The following DIAPH2 variants were observed in gnomAD, a reference collection of about 807,000 sequenced individuals.
DIAPH2 encodes protein diaphanous homolog 2.
A neutral mutation model predicts 92.7 loss-of-function variants in DIAPH2; 35 were observed. That is an observed-to-expected ratio of 0.38 (90% CI 0.29 to 0.50). The LOEUF is 0.50. Among genes scored for constraint, DIAPH2 ranks in the 20% least tolerant of loss-of-function variants. The pLI, the probability that DIAPH2 is intolerant of heterozygous loss-of-function variation, is 0.94. For missense variants in DIAPH2, 701 were observed against 819.5 expected (o/e 0.86, Z 1.77); for synonymous variants, 301 against 280.4 (o/e 1.07, Z -0.73).
chrX:97,366,651 A>G (rs2069384093), intron 24 of DIAPH2, among the ~76,000 whole-genome samples: 2 of 111,415 alleles, frequency 1.8e-5, no homozygotes, highest in South Asian at 7.6e-4. Context: ...TCTCTTTATG[A>G]TAAAAATCAT....
At chrX:97,405,859 C>G (rs1284617154) in intron 25 of DIAPH2, among the ~76,000 whole-genome samples, 1 of 111,398 alleles carries the variant, frequency 9.0e-6, no homozygotes, top group Non-Finnish European at 1.9e-5. Flanking sequence ...TACTTAATCA[C>G]TTTTTGTTGT....
chrX:96,864,601 G>A (rs2065093085), intron 4 of DIAPH2, among the ~76,000 whole-genome samples: 1 of 111,899 alleles, frequency 8.9e-6, no homozygotes, highest in Non-Finnish European at 1.9e-5. Flanking sequence ...TGTCTTGTGT[G>A]TGTGTGCTGG....
intron 26 of DIAPH2, among the ~76,000 whole-genome samples, chrX:97,460,855 C>T (rs2070452693): frequency 8.9e-6 from 1 of 111,828 alleles, no homozygotes; most frequent in Non-Finnish European, 1.9e-5. Flanking sequence ...AGTGAAGGAG[C>T]GTGGAACAAG....
chrX:97,468,074 T>C (rs1007602954), intron 26 of DIAPH2, among the ~76,000 whole-genome samples: 1 of 111,910 alleles, frequency 8.9e-6, no homozygotes, highest in African/African-American at 3.2e-5. Context: ...GTCAGGGGAA[T>C]ACTTTTTTAA....
intron 25 of DIAPH2, among the ~76,000 whole-genome samples, chrX:97,411,056 G>A (rs765441327): frequency 9.0e-5 from 10 of 110,919 alleles, no homozygotes; most frequent in African/African-American, 1.6e-4. Flanking sequence ...AACAGAGACC[G>A]CCACAAAGAT....
At chrX:97,510,603 G>A (rs1174984427) in intron 26 of DIAPH2, among the ~76,000 whole-genome samples, 10 of 102,942 alleles carry the variant, frequency 9.7e-5, no homozygotes, top group African/African-American at 3.5e-4. Flanking sequence ...GTCCTGAATG[G>A]TAATGCCTAG....
At chrX:97,176,979 C>T (rs1233512516) in intron 22 of DIAPH2, among the ~76,000 whole-genome samples, 2 of 111,741 alleles carry the variant, frequency 1.8e-5, no homozygotes, top group East Asian at 2.8e-4. Flanking sequence ...AATACAATGT[C>T]AATACTATGT....
chrX:97,247,051 G>C (rs1372185970), intron 22 of DIAPH2, among the ~76,000 whole-genome samples: 1 of 112,021 alleles, frequency 8.9e-6, no homozygotes, highest in African/African-American at 3.2e-5. Context: ...AAAATTATTA[G>C]TTGTCAATGA....
chrX:97,325,543 GTTATTTTATTTTATTTTATTTTATT>G (rs58975226), intron 23 of DIAPH2, among the ~76,000 whole-genome samples: 3 of 95,067 alleles, frequency 3.2e-5, no homozygotes, highest in East Asian at 3.5e-4. Context: ...TCATCTTAAT[GTTATTTTATTTTATTTTATTTTATT>G]TTATTTTATT....
Position 96,774,286 on chromosome X carries a change from A to G in DIAPH2, c.447+16028A>G, listed in dbSNP as rs763245883. Among the ~76,000 whole-genome samples the G allele has an allele frequency of 7.2e-5, 8 of 111,673 alleles. No individual in the cohort carries two copies. The South Asian group carries it at 3.0e-3, about 43-fold the overall frequency. On this transcript the variant is annotated intron_variant, in intron 4 of 26. Transcript: ENST00000324765. ...TTTGGTGGATTTCAGGCAGTTGTGG[A>G]TAATAATTGACACCACAGGTGTTCA...
intron 22 of DIAPH2, among the ~76,000 whole-genome samples, chrX:97,186,059 A>T (rs938935590): frequency 3.6e-5 from 4 of 110,792 alleles, no homozygotes; most frequent in African/African-American, 1.3e-4. Context: ...CAAATCCCGG[A>T]CCTATATAAA....
chrX:97,516,127 C>T (rs181235754), intron 26 of DIAPH2, among the ~76,000 whole-genome samples: 1 of 110,192 alleles, frequency 9.1e-6, no homozygotes, highest in Non-Finnish European at 1.9e-5. Flanking sequence ...TGGCACACGC[C>T]TACTGTAGTC....
chrX:96,692,199 A>C (rs754071462), intron 1 of DIAPH2, among the ~76,000 whole-genome samples: 85 of 112,126 alleles, frequency 7.6e-4, no homozygotes, highest in African/African-American at 2.6e-3. Flanking sequence ...CATTGCCCAG[A>C]TATAAGTTAT....
intron 24 of DIAPH2, among the ~76,000 whole-genome samples, chrX:97,370,801 A>G (rs868339077): frequency 8.9e-6 from 1 of 112,069 alleles, no homozygotes. Context: ...TATTGTGAAT[A>G]TAAAATAATG....
chrX:96,718,327 A>G lies in DIAPH2; in HGVS notation c.133-17431A>G, dbSNP rs1460675196. On this transcript the variant is annotated intron_variant, in intron 1 of 26. Transcript: ENST00000324765. The stretch of plus-strand genomic sequence containing the variant: ...GTACTCCATTGTATATATGTACCAC[A>G]TTTTCTTTGTTTTTTTTTTTTTTTT... 1.1e-4 allele frequency among the ~76,000 whole-genome samples: 4 copies of G among 35,128 alleles called. No homozygotes were observed. In the East Asian group the frequency reaches 3.2e-3, roughly 28 times the overall value. 30.5% of individuals were successfully genotyped at this position (35,128 alleles called of 115,157 possible).
At chrX:97,324,416 C>G (rs774064087) in intron 23 of DIAPH2, among the ~76,000 whole-genome samples, 1 of 112,335 alleles carries the variant, frequency 8.9e-6, no homozygotes, top group African/African-American at 3.2e-5. Flanking sequence ...AGGAAAATGA[C>G]AAAACAGCCC....
chrX:97,436,048 A>G (rs867835761), intron 26 of DIAPH2, among the ~76,000 whole-genome samples: 15 of 110,233 alleles, frequency 1.4e-4, no homozygotes, highest in East Asian at 8.5e-4. Flanking sequence ...CTCGTGATCC[A>G]CCCTCCTTGG....
chrX:96,962,346 T>TAC (rs1569436487), intron 16 of DIAPH2, among the ~76,000 whole-genome samples: 5 of 72,349 alleles, frequency 6.9e-5, no homozygotes, highest in African/African-American at 2.7e-4. Flanking sequence ...TACATATATA[T>TAC]ATATACACAT....
chrX:96,796,202 C>T (rs910127709), intron 4 of DIAPH2, among the ~76,000 whole-genome samples: 11 of 111,046 alleles, frequency 9.9e-5, no homozygotes, highest in African/African-American at 3.3e-4. Context: ...TGTTTTGAGA[C>T]GGAGTCTCAC....
Sources: allele counts gnomAD v4.1 joint callset (sites outside exome capture counted in the v4.1 genomes callset), GRCh38; gene constraint gnomAD v4.1.1; transcripts MANE v1.5; gene names NCBI Gene and HGNC (gene_info 2026-07-23, HGNC 2026-07-21).